Variants in DCC observed in about 807,000 individuals in gnomAD.
DCC encodes DCC netrin 1 receptor, also known as netrin receptor DCC.
In DCC, 58 loss-of-function variants were observed where a neutral mutation model predicts 172.5. The observed-to-expected ratio is 0.34, with a 90% CI of 0.27 to 0.42. The LOEUF is 0.42. Among genes scored for constraint, DCC ranks in the 10% least tolerant of loss-of-function variants. DCC has a pLI of 1.00. For missense variants in DCC, 1,740 were observed against 1,791.0 expected (o/e 0.97, Z 0.51); for synonymous variants, 709 against 644.5 (o/e 1.10, Z -1.52).
intron 9 of DCC, among the ~76,000 whole-genome samples, chr18:53,188,513 A>G (rs2055319567): frequency 6.6e-6 from 1 of 152,210 alleles, no homozygotes. Context: ...GAAAAGCCTC[A>G]TTAAGGAACA....
intron 1 of DCC, among the ~76,000 whole-genome samples, chr18:52,378,088 T>A (rs1985430088): frequency 6.6e-6 from 1 of 152,136 alleles, no homozygotes; most frequent in South Asian, 2.1e-4. Flanking sequence ...TATTTTCATG[T>A]AGACTATCTG....
At chr18:52,376,613 C>T (rs761928713) in intron 1 of DCC, among the ~76,000 whole-genome samples, 33 of 152,046 alleles carry the variant, frequency 2.2e-4, no homozygotes, top group African/African-American at 1.9e-4. Context: ...CTTAACATTC[C>T]GGGACAAACT....
At chr18:52,612,796 C>T (rs561821142) in intron 1 of DCC, among the ~76,000 whole-genome samples, 3 of 152,260 alleles carry the variant, frequency 2.0e-5, no homozygotes, top group South Asian at 2.1e-4. Flanking sequence ...GTACTTTAAA[C>T]ATTTTGCCAT....
At chr18:53,499,640 C>T (rs1310366858) in intron 27 of DCC, 130 bp downstream of exon 27, 8 of 812,218 alleles carry the variant, frequency 9.8e-6, no homozygotes, top group Admixed American at 7.8e-5. Flanking sequence ...CCAGTGTGCT[C>T]ATTTTTGTTA....
chr18:52,636,403 T>C (rs1180810513), intron 1 of DCC, among the ~76,000 whole-genome samples: 1 of 152,074 alleles, frequency 6.6e-6, no homozygotes, highest in African/African-American at 2.4e-5. Flanking sequence ...CCAAGCCCTT[T>C]ACTTTAGCAG....
intron 1 of DCC, among the ~76,000 whole-genome samples, chr18:52,661,503 C>T (rs768204): frequency 1.3e-5 from 2 of 152,140 alleles, no homozygotes; most frequent in African/African-American, 2.4e-5. Context: ...CCGTCGCTAT[C>T]CTCTGGGCTC....
At chr18:52,734,916 T>G (rs4550563) in intron 1 of DCC, among the ~76,000 whole-genome samples, 1 of 152,142 alleles carries the variant, frequency 6.6e-6, no homozygotes, top group African/African-American at 2.4e-5. Flanking sequence ...GATCAATAAA[T>G]ATTTTCTGGG....
intron 1 of DCC, among the ~76,000 whole-genome samples, chr18:52,687,444 C>T (rs1337937456): frequency 6.6e-6 from 1 of 151,846 alleles, no homozygotes; most frequent in Non-Finnish European, 1.5e-5. Context: ...GCCACCATGC[C>T]CAGCTAATTT....
chr18:52,703,932 G>A (rs2036166430), intron 1 of DCC, among the ~76,000 whole-genome samples: 1 of 152,030 alleles, frequency 6.6e-6, no homozygotes, highest in African/African-American at 2.4e-5. Context: ...ATCTGATTTT[G>A]TCTCCATTTC....
At chr18:52,489,971 T>C (rs2030421390) in intron 1 of DCC, among the ~76,000 whole-genome samples, 1 of 152,150 alleles carries the variant, frequency 6.6e-6, no homozygotes, top group Non-Finnish European at 1.5e-5. Flanking sequence ...TTTGACACTG[T>C]ATTATTTTAT....
intron 22 of DCC, among the ~76,000 whole-genome samples, chr18:53,436,847 C>G (rs571028904): frequency 6.6e-6 from 1 of 152,258 alleles, no homozygotes; most frequent in South Asian, 2.1e-4. Context: ...AGTCCAAGAT[C>G]AAGGTGCCAG....
At chr18:52,809,029 G>A (rs1372812386) in intron 2 of DCC, among the ~76,000 whole-genome samples, 1 of 152,140 alleles carries the variant, frequency 6.6e-6, no homozygotes, top group Non-Finnish European at 1.5e-5. Context: ...GTTTCTTGAG[G>A]ATGCCATATG....
intron 13 of DCC, among the ~76,000 whole-genome samples, chr18:53,307,893 GTATGTA>G (rs1229008241): frequency 6.1e-5 from 6 of 97,576 alleles, no homozygotes; most frequent in South Asian, 3.2e-4. Flanking sequence ...CAATGTGTGT[GTATGTA>G]TATATATATA....
chr18:53,292,851 A>G (rs1483084428), intron 12 of DCC, among the ~76,000 whole-genome samples: 3 of 152,178 alleles, frequency 2.0e-5, no homozygotes, highest in Non-Finnish European at 4.4e-5. Flanking sequence ...GAATCACTCC[A>G]TTTATTTATT....
At chr18:52,784,906 G>A (rs1017398725) in intron 2 of DCC, among the ~76,000 whole-genome samples, 2 of 147,270 alleles carry the variant, frequency 1.4e-5, no homozygotes, top group Admixed American at 1.4e-4. Context: ...GGGAGGTGGA[G>A]GGGGAGAGAG....
intron 2 of DCC, among the ~76,000 whole-genome samples, chr18:52,806,440 A>C (rs1046569918): frequency 7.2e-5 from 11 of 152,332 alleles, no homozygotes; most frequent in Admixed American, 2.0e-4. Context: ...AGTGCTCACC[A>C]AAATAGGGTC....
At chr18:52,789,693 T>A (rs539116011) in intron 2 of DCC, among the ~76,000 whole-genome samples, 1 of 152,262 alleles carries the variant, frequency 6.6e-6, no homozygotes, top group East Asian at 1.9e-4. Flanking sequence ...CTTTTGAAAC[T>A]GTCATTGCAA....
At chr18:53,051,805 A>T (rs2042337761) in intron 5 of DCC, among the ~76,000 whole-genome samples, 1 of 152,052 alleles carries the variant, frequency 6.6e-6, no homozygotes, top group African/African-American at 2.4e-5. Context: ...CTTGTATCTT[A>T]AATAAGATAT....
chr18:53,328,941 T>C (rs1439658658), intron 14 of DCC, among the ~76,000 whole-genome samples: 1 of 152,204 alleles, frequency 6.6e-6, no homozygotes, highest in Non-Finnish European at 1.5e-5. Flanking sequence ...TCCTTGTTCA[T>C]GATGGTAAAG....
Sources: gnomAD v4.1 joint callset for allele counts (sites outside exome capture counted in the v4.1 genomes callset) on GRCh38, gnomAD v4.1.1 for gene constraint, MANE v1.5 for transcripts, NCBI Gene and HGNC (gene_info 2026-07-23, HGNC 2026-07-21) for gene names.